ZAN: variants seen among roughly 807,000 people sequenced by gnomAD.
The protein encoded by ZAN is zonadhesin (gene/pseudogene).
ZAN carries 260 observed loss-of-function variants against 286.2 expected under a neutral mutation model. The observed-to-expected ratio is 0.91, with a 90% CI of 0.82 to 1.01. ZAN has a LOEUF of 1.01. Ranked by LOEUF, ZAN falls within the 50% of genes least tolerant of loss-of-function variation. ZAN has a pLI of 0.00. For synonymous variants in ZAN, 1,368 were observed against 1,417.5 expected (o/e 0.97, Z 0.79); for missense variants, 3,410 against 3,639.2 (o/e 0.94, Z 1.62).
intron 35 of ZAN, among the ~76,000 whole-genome samples, chr7:100,781,786 T>C (rs1811212219): frequency 6.6e-6 from 1 of 151,450 alleles, no homozygotes; most frequent in African/African-American, 2.4e-5. Flanking sequence ...ATTACTGGCA[T>C]GTGCCACCAC....
At chr7:100,790,561 CAAAA>C (rs71517127) in intron 39 of ZAN, among the ~76,000 whole-genome samples, 1 of 61,872 alleles carries the variant, frequency 1.6e-5, no homozygotes. Context: ...GACTCCATCT[CAAAA>C]AAAAAAAAAA....
intron 15 of ZAN, 87 bp from the exon 16 acceptor site, chr7:100,758,115 A>C (rs889252466): frequency 1.2e-5 from 13 of 1,061,938 alleles, no homozygotes; most frequent in Non-Finnish European, 1.6e-5. Context: ...TAAATAAATA[A>C]ATAAATAAAT....
At position 100,752,090 on chromosome 7, in the gene ZAN, C is replaced by A; in HGVS notation, c.1985C>A (p.Thr662Asn). 1 of 1,612,624 alleles carries A rather than the reference C, an allele frequency of 6.2e-7. No homozygotes were observed. The change falls in exon 14 of 48, where the codon ACC becomes AAC. Residue 662 changes from threonine to asparagine, a missense_variant. By Grantham distance (65) the Thr-to-Asn change is moderately conservative. Around this residue, in one of 7 missense-constraint regions of ZAN, gnomAD observed 872 missense variants for 938.9 expected, o/e 0.93. Coordinates refer to ENST00000613979, the MANE Select transcript of ZAN (RefSeq NM_003386.3). ...EKPTVPTEEP[T>N]TPTEETTTSM... ...CCCACCGTCCCCACAGAAGAGCCCA[C>A]CACCCCCACTGAGGAGACCACCACC...
In ZAN at chr7:100,752,264, C is replaced by G; in HGVS notation, c.2159C>G (p.Pro720Arg). Residue 720 changes from proline to arginine, a missense_variant, in exon 14 of 48, where the codon CCC becomes CGC. By Grantham distance (103) the Pro-to-Arg change is moderately radical. Transcript: ENST00000613979. Reference sequence around the variant, plus strand: ...ATCTCCCCAGAAAAACCCACCATCCCCACAGAAAAACCCACCATCCCCACA... The same window carrying G: ...ATCTCCCCAGAAAAACCCACCATCCGCACAGAAAAACCCACCATCCCCACA... ...PTISPEKPTI[P>R]TEKPTIPTEK... 3.9e-6 allele frequency: 6 copies of G among 1,554,644 alleles called. No individual in the cohort carries two copies. Among genetic ancestry groups the G allele is most frequent in the Non-Finnish European group, 5.2e-6 (6 of 1,145,636 alleles).
chr7:100,739,810 A>G (rs78877708), intron 7 of ZAN, among the ~76,000 whole-genome samples: 3,020 of 139,004 alleles, frequency 0.022, 463 homozygotes, highest in African/African-American at 0.073. Flanking sequence ...GGTGTACACC[A>G]CCACGCCCAG....
chr7:100,743,989 G>A (rs920298979), intron 7 of ZAN, among the ~76,000 whole-genome samples: 1 of 150,884 alleles, frequency 6.6e-6, no homozygotes, highest in African/African-American at 2.4e-5. Context: ...AGTGCTTGAA[G>A]TACAGGTGTG....
In ZAN at chr7:100,752,720, C is replaced by T. The variant is rs754808458; in HGVS notation, c.2615C>T (p.Thr872Ile). ...CCCACCATCTCCCCAGAAAAACTCA[C>T]CATCCCCACGGAAAAACTCACCATC... The part of the protein sequence containing the change: ...EKPTISPEKL[T>I]IPTEKLTIPT... The change falls in exon 14 of 48, where the codon ACC becomes ATC. Residue 872 changes from threonine (T) to isoleucine (I), a missense_variant. This residue lies in a region of ZAN where 51 missense variants were observed against 105.2 expected (regional missense o/e 0.48). Transcript: ENST00000613979. 6.5e-7 allele frequency: 1 copy of T among 1,544,304 alleles called. No individual in the cohort carries two copies.
rs1311215753 is a variant in ZAN at position 100,779,738 on chromosome 7, A to G, written c.6610A>G (p.Ser2204Gly). 1 of 1,553,194 alleles carries G rather than the reference A, an allele frequency of 6.4e-7. No individual in the cohort carries two copies. The highest frequency in any genetic ancestry group is 8.7e-7 in the Non-Finnish European group (1 of 1,148,842). The change falls in exon 35 of 48, where the codon AGC (serine) becomes GGC (glycine). Residue 2204 changes from serine (S) to glycine (G), a missense_variant. Coordinates refer to ENST00000613979, the MANE Select transcript of ZAN (RefSeq NM_003386.3). Reference protein sequence around the residue: ...QGLKPPLWRNSSFCPLECPAY... With the variant: ...QGLKPPLWRNGSFCPLECPAY... ...GCTCAAGCCCCCACTCTGGAGAAAC[A>G]GCAGCTTCTGCCGTGAGTGTGCCCT...
At position 100,772,015 on chromosome 7, in the gene ZAN, T is replaced by C; in HGVS notation, c.5420T>C (p.Phe1807Ser). ...GCCCCTGCCTGGCGGAACAGAACCT[T>C]CTGCCGTGAGTGACTGGCCACCTGT... ...GQAPAWRNRT[F>S]CPMRCPPGSS... Residue 1807 changes from phenylalanine (F) to serine (S), a missense_variant, in exon 29 of 48, where the codon TTC (phenylalanine) becomes TCC (serine). Physicochemically the swap from Phe to Ser is radical, Grantham distance 155. This residue lies in a region of ZAN where 1,289 missense variants were observed against 1,314.3 expected (regional missense o/e 0.98). Transcript: ENST00000613979. 6.3e-7 allele frequency: 1 copy of C among 1,595,172 alleles called. No individual in the cohort carries two copies. The highest frequency in any genetic ancestry group is 1.1e-5 in the South Asian group (1 of 90,700).
chr7:100,789,652 A>C (rs573933968), intron 39 of ZAN, among the ~76,000 whole-genome samples: 14 of 152,076 alleles, frequency 9.2e-5, no homozygotes, highest in Non-Finnish European at 1.9e-4. Flanking sequence ...CTCTACAAAA[A>C]AAATTTTAAA....
intron 19 of ZAN, among the ~76,000 whole-genome samples, chr7:100,761,494 C>T (rs221811): frequency 0.12 from 17,772 of 151,910 alleles, 1,375 homozygotes; most frequent in Non-Finnish European, 0.18. Context: ...ATTAGCTTCT[C>T]GTGGTGGTAC....
chr7:100,785,006 T>C (rs1019484473), intron 36 of ZAN, among the ~76,000 whole-genome samples, 172 bp downstream of exon 36: 3 of 152,168 alleles, frequency 2.0e-5, no homozygotes, highest in East Asian at 1.9e-4. Context: ...TGATGGCACA[T>C]GGTTTGGGTT....
intron 42 of ZAN, 66 bp from the exon 43 acceptor site, chr7:100,793,754 G>A (rs1000293928): frequency 1.7e-5 from 25 of 1,504,124 alleles, no homozygotes; most frequent in East Asian, 1.4e-4. Flanking sequence ...GAGTTTTATC[G>A]GGTGACCTTG....
chr7:100,795,767 G>A (rs1812320887), intron 45 of ZAN, among the ~76,000 whole-genome samples: 1 of 151,830 alleles, frequency 6.6e-6, no homozygotes, highest in African/African-American at 2.4e-5. Flanking sequence ...TTAGCCGGGT[G>A]TGGTGGTGTG....
intron 33 of ZAN, among the ~76,000 whole-genome samples, chr7:100,776,211 G>A (rs564748109): frequency 1.3e-5 from 2 of 151,832 alleles, no homozygotes; most frequent in African/African-American, 2.4e-5. Flanking sequence ...CCAGCTGCTC[G>A]GGAGGCTGAG....
chr7:100,763,691 C>A lies in ZAN; in HGVS notation c.3987-115C>A. On this transcript the variant is annotated intron_variant, in intron 20 of 47. Coordinates refer to ENST00000613979, the MANE Select transcript of ZAN (RefSeq NM_003386.3). This position sits in a 1 kb window ranked among gnomAD's most constrained non-coding sequence, Gnocchi z 4.6. ...GTCAAACATCCTCTGGGAGGGGTTTCCCAGCTGACAGGCTGGTTTGCCGGT... is the reference window on the plus strand; with the variant it reads ...GTCAAACATCCTCTGGGAGGGGTTTACCAGCTGACAGGCTGGTTTGCCGGT... The A allele has an allele frequency of 9.6e-7, 1 of 1,044,804 alleles. No individual in the cohort carries two copies. The highest frequency in any genetic ancestry group is 1.5e-6 in the Non-Finnish European group (1 of 680,010). The allele number at this position is 1,044,804 out of a possible 1,614,324, so 64.7% of individuals were successfully genotyped here.
In ZAN at chr7:100,767,957, T is replaced by A. The variant is rs1404514724; in HGVS notation, c.4987T>A (p.Leu1663Met). The A allele has an allele frequency of 6.2e-7, 1 of 1,613,840 alleles. No homozygotes were observed. The highest frequency in any genetic ancestry group is 8.5e-7 in the Non-Finnish European group (1 of 1,179,892). ...GLQVRYDGSHLVEVTVPSSYG... is the reference protein window; with the variant it reads ...GLQVRYDGSHMVEVTVPSSYG... ...CCAAGTTCGCTACGACGGGAGCCAC[T>A]TGGTGGAAGTGACAGTCCCCTCCTC... Residue 1663 changes from leucine to methionine, a missense_variant, in exon 26 of 48, where the codon TTG (leucine) becomes ATG (methionine). Leu to Met is a conservative substitution (Grantham distance 15). This residue lies in a region of ZAN where 1,042 missense variants were observed against 1,058.0 expected (regional missense o/e 0.98). Transcript: ENST00000613979.
intron 8 of ZAN, 73 bp downstream of exon 8, chr7:100,746,775 T>TG: frequency 6.5e-7 from 1 of 1,529,682 alleles, no homozygotes; most frequent in Non-Finnish European, 9.0e-7. Context: ...TGGGGAAACA[T>TG]GGGGCATCCC....
chr7:100,782,299 C>T (rs566073850), intron 35 of ZAN, among the ~76,000 whole-genome samples: 2 of 151,952 alleles, frequency 1.3e-5, no homozygotes, highest in Non-Finnish European at 2.9e-5. Flanking sequence ...GCTAGCCCCA[C>T]AGAAGCTACA....
Sources: gnomAD v4.1 joint callset for allele counts (sites outside exome capture counted in the v4.1 genomes callset) on GRCh38, gnomAD v4.1.1 for gene constraint, gnomAD v4.1.1 regional missense constraint, Gnocchi (gnomAD v3.1) non-coding constraint, MANE v1.5 for transcripts, NCBI Gene and HGNC (gene_info 2026-07-23, HGNC 2026-07-21) for gene names.